SYT14: variants seen among roughly 807,000 people sequenced by gnomAD.
SYT14 encodes synaptotagmin-14.
In SYT14, 32 loss-of-function variants were observed where a neutral mutation model predicts 74.2. The ratio of observed to expected loss-of-function variants is 0.43; its 90% CI spans 0.33 to 0.58. The LOEUF (loss-of-function observed/expected upper bound fraction) is 0.58, where lower values mean the gene tolerates loss of function less well. Ranked by LOEUF, SYT14 falls within the 20% of genes least tolerant of loss-of-function variation. SYT14 has a pLI of 0.05. For synonymous variants in SYT14, 298 were observed against 337.7 expected, an observed-to-expected ratio of 0.88 and a Z score of 1.29; for missense variants, 791 against 981.8, an observed-to-expected ratio of 0.81 and a Z score of 2.60.
chr1:210,168,323 ATAAATTGTCTTATTAGGACCCTTCT>A (rs2083478163), exon 10 of SYT14: 3 of 152,206 alleles, frequency 2.0e-5, no homozygotes, highest in Admixed American at 2.0e-4. Context: ...AGTCTGTGTT[ATAAATTGTCTTATTAGGACCCTTCT>A]TCACCCTCTT....
At chr1:210,168,855 G>A (rs868602567) in exon 10 of SYT14, 10 of 152,102 alleles carry the variant, frequency 6.6e-5, no homozygotes, top group Admixed American at 1.3e-4. Flanking sequence ...TAGTGTTGAT[G>A]GAAGTAATCC....
chr1:210,019,015 A>G (rs1558132231), intron 4 of SYT14, among the ~76,000 whole-genome samples: 1 of 150,748 alleles, frequency 6.6e-6, no homozygotes, highest in East Asian at 2.0e-4. Flanking sequence ...GGGTGCTTAT[A>G]ATCCCAGCTA....
At chr1:210,107,602 A>G (rs1273164269) in intron 7 of SYT14, among the ~76,000 whole-genome samples, 1 of 152,224 alleles carries the variant, frequency 6.6e-6, no homozygotes, top group East Asian at 1.9e-4. Context: ...AAGAAAAATG[A>G]CTAACCCTCT....
intron 7 of SYT14, among the ~76,000 whole-genome samples, chr1:210,134,356 T>C (rs2082738291): frequency 6.6e-6 from 1 of 152,106 alleles, no homozygotes; most frequent in East Asian, 1.9e-4. Flanking sequence ...ATCCACCCGC[T>C]TCAGCCTCCC....
intron 1 of SYT14, 118 bp from the exon 2 acceptor site, chr1:209,952,591 G>A: frequency 1.3e-6 from 1 of 781,440 alleles, no homozygotes; most frequent in Non-Finnish European, 2.2e-6. Context: ...ATAAAGAGAA[G>A]AGTTAGGGAA....
In SYT14 at chr1:210,119,302, A is replaced by G. The variant is rs542110501; in HGVS notation, c.2034+18841A>G. On this transcript the variant is annotated intron_variant, in intron 7 of 9. Transcript: ENST00000637265. Reference sequence around the variant, plus strand: ...GGTGAGAATTTAAAGAAAACTGGGAAATACTAATTGCAAAAATGTTTTTCT... The same window carrying G: ...GGTGAGAATTTAAAGAAAACTGGGAGATACTAATTGCAAAAATGTTTTTCT... Among the ~76,000 whole-genome samples the G allele has an allele frequency of 5.9e-5, 9 of 152,190 alleles. No individual in the cohort carries two copies. In the East Asian group the frequency reaches 1.2e-3, roughly 20 times the overall value.
At chr1:210,168,852 G>A (rs547394584) in exon 10 of SYT14, 2 of 152,216 alleles carry the variant, frequency 1.3e-5, no homozygotes, top group African/African-American at 4.8e-5. Context: ...CATTAGTGTT[G>A]ATGGAAGTAA....
chr1:209,973,889 T>TA (rs1354859067), intron 2 of SYT14, among the ~76,000 whole-genome samples: 1 of 152,218 alleles, frequency 6.6e-6, no homozygotes, highest in African/African-American at 2.4e-5. Context: ...CCTGACTTTT[T>TA]AATGATCGCC....
intron 7 of SYT14, among the ~76,000 whole-genome samples, chr1:210,144,537 CGTATT>C (rs1410467531): frequency 6.6e-6 from 1 of 151,778 alleles, no homozygotes; most frequent in Non-Finnish European, 1.5e-5. Flanking sequence ...TTTATATACT[CGTATT>C]GTTCTTATTT....
At chr1:210,035,964 G>A (rs2080652714) in intron 5 of SYT14, among the ~76,000 whole-genome samples, 1 of 151,738 alleles carries the variant, frequency 6.6e-6, no homozygotes, top group South Asian at 2.1e-4. Flanking sequence ...ATTTTGTTGG[G>A]GATTACACTG....
chr1:210,094,257 A>G (rs2081928673), intron 5 of SYT14, 65 bp from the exon 5 acceptor site: 1 of 1,606,926 alleles, frequency 6.2e-7, no homozygotes, highest in African/African-American at 1.3e-5. Flanking sequence ...ATTTACAATT[A>G]TTGTAGACTA....
chr1:210,073,912 A>T (rs1182876711), intron 5 of SYT14, among the ~76,000 whole-genome samples: 1 of 127,048 alleles, frequency 7.9e-6, no homozygotes, highest in Non-Finnish European at 1.6e-5. Flanking sequence ...ACAAAGCTTT[A>T]ATTTGGTATA....
intron 1 of SYT14, among the ~76,000 whole-genome samples, chr1:209,950,098 G>A (rs1408689034): frequency 6.6e-6 from 1 of 152,118 alleles, no homozygotes; most frequent in African/African-American, 2.4e-5. Flanking sequence ...TTAGGTGTAT[G>A]TGGTAAAACC....
intron 2 of SYT14, among the ~76,000 whole-genome samples, chr1:209,999,895 A>T (rs879490672): frequency 6.6e-6 from 1 of 152,186 alleles, no homozygotes; most frequent in Non-Finnish European, 1.5e-5. Flanking sequence ...AATCTAGAAG[A>T]GAGGACTTGA....
exon 5 of SYT14, chr1:210,021,193 G>A (rs2080294925): frequency 6.2e-7 from 1 of 1,614,032 alleles, no homozygotes; most frequent in Non-Finnish European, 8.5e-7. Flanking sequence ...AAACAAGGCA[G>A]AAATACAGTC....
At chr1:210,130,165 G>GA (rs756178687) in intron 7 of SYT14, among the ~76,000 whole-genome samples, 8 of 152,128 alleles carry the variant, frequency 5.3e-5, no homozygotes, top group Non-Finnish European at 1.2e-4. Context: ...TAAACGAATG[G>GA]AAAGAAGTAC....
intron 7 of SYT14, among the ~76,000 whole-genome samples, chr1:210,136,671 G>A (rs1296615382): frequency 1.3e-5 from 2 of 152,144 alleles, no homozygotes; most frequent in Non-Finnish European, 1.5e-5. Flanking sequence ...GAGCAGTTGA[G>A]TGGGCAAATT....
chr1:209,952,169 G>A (rs1380147266), intron 1 of SYT14, among the ~76,000 whole-genome samples: 3 of 152,064 alleles, frequency 2.0e-5, no homozygotes, highest in Admixed American at 1.3e-4. Context: ...GAAACATTAC[G>A]AAAGACTCTT....
chr1:210,034,080 A>G (rs1029701245), intron 5 of SYT14, among the ~76,000 whole-genome samples: 2 of 151,852 alleles, frequency 1.3e-5, no homozygotes, highest in Non-Finnish European at 1.5e-5. Flanking sequence ...GGTAAACACT[A>G]TTGTAAACAT....
Sources: allele counts gnomAD v4.1 joint callset (sites outside exome capture counted in the v4.1 genomes callset), GRCh38; gene constraint gnomAD v4.1.1; transcripts MANE v1.5; gene names NCBI Gene and HGNC (gene_info 2026-07-23, HGNC 2026-07-21).